Variants in CLASP2 observed in about 807,000 individuals in gnomAD.
CLASP2 encodes cytoplasmic linker associated protein 2, also known as CLIP-associating protein 2.
Under a neutral mutation model 194.4 loss-of-function variants are expected in CLASP2, and 47 were observed. The ratio of observed to expected loss-of-function variants is 0.24; its 90% CI spans 0.19 to 0.31. The LOEUF (loss-of-function observed/expected upper bound fraction) is 0.31, where lower values mean the gene tolerates loss of function less well. Ranked by LOEUF, CLASP2 falls within the 10% of genes least tolerant of loss-of-function variation. CLASP2 has a pLI of 1.00. For synonymous variants in CLASP2, 619 were observed against 633.5 expected (o/e 0.98, Z 0.34); for missense variants, 1,445 against 1,823.6 (o/e 0.79, Z 3.78).
At chr3:33,577,809 C>A (rs988541807) in intron 23 of CLASP2, among the ~76,000 whole-genome samples, 29 of 152,224 alleles carry the variant, frequency 1.9e-4, no homozygotes, top group African/African-American at 6.7e-4. Context: ...ACAAAAGAGA[C>A]CCCAGAAAGC....
At chr3:33,560,511 A>G (rs1348296801) in intron 28 of CLASP2, among the ~76,000 whole-genome samples, 2 of 152,000 alleles carry the variant, frequency 1.3e-5, no homozygotes, top group Non-Finnish European at 2.9e-5. Context: ...CCAAAGTACT[A>G]GGATTACAGG....
In CLASP2 at chr3:33,520,081, T is replaced by C. The variant is rs563725301; in HGVS notation, c.3788-2907A>G. Among the ~76,000 whole-genome samples the C allele has an allele frequency of 7.9e-5, 12 of 152,348 alleles. No individual in the cohort carries two copies. The South Asian group carries it at 2.3e-3, about 29-fold the overall frequency. ...CAGGCTGGAGTGCACTGGCGTGATC[T>C]TGGCTCACAGCAACCTCCACCTCCA... On this transcript the variant is annotated intron_variant, in intron 34 of 38. Coordinates refer to ENST00000682230, the MANE Select transcript of CLASP2 (RefSeq NM_001365631.1).
chr3:33,597,049 T>C (rs1227651860), intron 18 of CLASP2, among the ~76,000 whole-genome samples: 1 of 152,198 alleles, frequency 6.6e-6, no homozygotes, highest in Non-Finnish European at 1.5e-5. Flanking sequence ...TGCTCTAGTC[T>C]GTGAGTTTTT....
intron 34 of CLASP2, among the ~76,000 whole-genome samples, chr3:33,525,070 A>G (rs2054153258): frequency 6.6e-6 from 1 of 152,226 alleles, no homozygotes; most frequent in East Asian, 1.9e-4. Flanking sequence ...GATATAAAAC[A>G]TAGTATCTTC....
intron 1 of CLASP2, among the ~76,000 whole-genome samples, chr3:33,716,029 T>A (rs1476272992): frequency 1.3e-5 from 2 of 152,112 alleles, no homozygotes; most frequent in East Asian, 1.9e-4. Flanking sequence ...AATTGATGGA[T>A]CAATGTCCTT....
intron 1 of CLASP2, among the ~76,000 whole-genome samples, chr3:33,709,480 G>A (rs2092894312): frequency 6.6e-6 from 1 of 152,068 alleles, no homozygotes; most frequent in Admixed American, 6.6e-5. Context: ...TTAAAGACAA[G>A]GGTACTTATA....
intron 7 of CLASP2, among the ~76,000 whole-genome samples, chr3:33,657,157 G>C (rs1417487766): frequency 6.6e-6 from 1 of 152,120 alleles, no homozygotes; most frequent in Admixed American, 6.5e-5. Context: ...GGTAGGGGCA[G>C]TATAATCCAT....
intron 2 of CLASP2, among the ~76,000 whole-genome samples, chr3:33,694,894 G>T (rs769570270): frequency 6.6e-6 from 1 of 151,826 alleles, no homozygotes; most frequent in Admixed American, 6.6e-5. Context: ...AGTGAGCCAC[G>T]ATCATACTAC....
chr3:33,577,927 T>C (rs898703010), intron 23 of CLASP2, among the ~76,000 whole-genome samples: 3 of 152,204 alleles, frequency 2.0e-5, no homozygotes, highest in Non-Finnish European at 4.4e-5. Context: ...AATCTTAGAC[T>C]TCCTAGTCTC....
chr3:33,576,916 T>TAAAC lies in CLASP2; in HGVS notation c.2348-645_2348-642dup, dbSNP rs754418965. Reference sequence around the variant, plus strand: ...TCCACCATTTTGGTTTTTTTTTTTTTAAACATATATACAAAGATGAGAACA... The same window carrying TAAAC: ...TCCACCATTTTGGTTTTTTTTTTTTTAAACAAACATATATACAAAGATGAGAACA... On this transcript the variant is annotated intron_variant, in intron 23 of 38. Coordinates refer to ENST00000682230, the MANE Select transcript of CLASP2 (RefSeq NM_001365631.1). Among the ~76,000 whole-genome samples the TAAAC allele has an allele frequency of 4.0e-5, 6 of 151,450 alleles. No homozygotes were observed. In the East Asian group the frequency reaches 7.7e-4, roughly 20 times the overall value.
rs1195885185 is a variant in CLASP2 at position 33,717,836 on chromosome 3, G to C, written c.167C>G (p.Thr56Ser). ...GRLGKTVDAL[T>S]GWVGSSNYRV... ...GTAGTTGCTCGAACCCACCCAGCCG[G>C]TGAGCGCGTCGACTGTCTTGCCTAG... The change falls in exon 1 of 39, where the codon ACC (threonine) becomes AGC (serine). Residue 56 changes from threonine (T) to serine (S), a missense_variant. Around this residue, in one of 4 missense-constraint regions of CLASP2, gnomAD observed 332 missense variants for 325.3 expected, o/e 1.02. Coordinates refer to ENST00000682230, the MANE Select transcript of CLASP2 (RefSeq NM_001365631.1). 6.4e-7 allele frequency: 1 copy of C among 1,563,746 alleles called. No homozygotes were observed. Among genetic ancestry groups the C allele is most frequent in the Admixed American group, 1.9e-5 (1 of 52,444 alleles).
chr3:33,639,050 T>G (rs1559489672), intron 8 of CLASP2, among the ~76,000 whole-genome samples: 1 of 152,190 alleles, frequency 6.6e-6, no homozygotes, highest in Non-Finnish European at 1.5e-5. Flanking sequence ...AACCATGAAT[T>G]AAACATTCCA....
chr3:33,599,465 A>T (rs1385599974), intron 18 of CLASP2, among the ~76,000 whole-genome samples: 1 of 152,174 alleles, frequency 6.6e-6, no homozygotes, highest in African/African-American at 2.4e-5. Context: ...GTGTCCACTG[A>T]AAACTTCCAG....
chr3:33,565,442 A>T (rs2062544609), intron 27 of CLASP2, among the ~76,000 whole-genome samples: 3 of 152,030 alleles, frequency 2.0e-5, no homozygotes, highest in Admixed American at 2.0e-4. Context: ...CAGCCTCCCA[A>T]AGTGCTGAGA....
At chr3:33,692,821 A>C (rs902842602) in intron 2 of CLASP2, among the ~76,000 whole-genome samples, 1 of 152,214 alleles carries the variant, frequency 6.6e-6, no homozygotes, top group African/African-American at 2.4e-5. Context: ...AAATGAATCA[A>C]TCTATCACAG....
chr3:33,683,806 G>C (rs980156214), intron 6 of CLASP2, among the ~76,000 whole-genome samples: 3 of 151,692 alleles, frequency 2.0e-5, no homozygotes, highest in Admixed American at 6.6e-5. Context: ...CAGGTGTAGT[G>C]GCGTATGCCT....
chr3:33,616,327 T>C (rs934059641), intron 12 of CLASP2, among the ~76,000 whole-genome samples: 1 of 152,036 alleles, frequency 6.6e-6, no homozygotes, highest in Non-Finnish European at 1.5e-5. Context: ...TTAAAGGTCA[T>C]TAAACCCTAA....
At position 33,581,940 on chromosome 3, in the gene CLASP2, C is replaced by G; in HGVS notation, c.2240-12G>C. On this transcript the variant is annotated splice_polypyrimidine_tract_variant and intron_variant, in intron 22 of 38. Coordinates refer to ENST00000682230, the MANE Select transcript of CLASP2 (RefSeq NM_001365631.1). ...ACGACTGCTTCGGGCTGGTGTGAAG[C>G]AACAGCAGCACACACAGTAAGGGAG... is the stretch of plus-strand genomic sequence containing the variant. 6.4e-7 allele frequency: 1 copy of G among 1,573,864 alleles called. No homozygotes were observed. The highest frequency in any genetic ancestry group is 8.7e-7 in the Non-Finnish European group (1 of 1,144,250).
At chr3:33,600,880 T>C (rs933247777) in intron 18 of CLASP2, among the ~76,000 whole-genome samples, 1 of 152,060 alleles carries the variant, frequency 6.6e-6, no homozygotes, top group Non-Finnish European at 1.5e-5. Flanking sequence ...TTAAAAATGC[T>C]TCATGGAATT....
Sources: gnomAD v4.1 joint callset for allele counts (sites outside exome capture counted in the v4.1 genomes callset) on GRCh38, gnomAD v4.1.1 for gene constraint, gnomAD v4.1.1 regional missense constraint, MANE v1.5 for transcripts, NCBI Gene and HGNC (gene_info 2026-07-23, HGNC 2026-07-21) for gene names.